The following LRRTM4 variants were observed in gnomAD, a reference collection of about 807,000 sequenced individuals.
LRRTM4 encodes the protein leucine rich repeat transmembrane neuronal 4.
A neutral mutation model predicts 47.6 loss-of-function variants in LRRTM4; 25 were observed. The ratio of observed to expected loss-of-function variants is 0.53; its 90% CI spans 0.38 to 0.73. LRRTM4 has a LOEUF of 0.73. LRRTM4 is among the 30% of genes least tolerant of loss of function. The pLI, the probability that LRRTM4 is intolerant of heterozygous loss-of-function variation, is 0.00. For missense variants in LRRTM4, 638 were observed against 713.4 expected, an observed-to-expected ratio of 0.89 and a Z score of 1.20; for synonymous variants, 311 against 269.5, an observed-to-expected ratio of 1.15 and a Z score of -1.51.
chr2:76,789,842 A>C (rs1462347319), intron 3 of LRRTM4, among the ~76,000 whole-genome samples: 2 of 152,152 alleles, frequency 1.3e-5, no homozygotes, highest in African/African-American at 4.8e-5. Context: ...GGTGGGAGAT[A>C]ACTGAGTCTT....
intron 3 of LRRTM4, among the ~76,000 whole-genome samples, chr2:77,404,485 C>T: frequency 6.6e-6 from 1 of 151,946 alleles, no homozygotes; most frequent in East Asian, 1.9e-4. Flanking sequence ...GAAAATGACA[C>T]ACTTAAATCT....
At chr2:76,809,384 A>G (rs1260496956) in intron 3 of LRRTM4, among the ~76,000 whole-genome samples, 1 of 152,122 alleles carries the variant, frequency 6.6e-6, no homozygotes, top group Non-Finnish European at 1.5e-5. Flanking sequence ...TTCCCTTATC[A>G]GTTATGTCAG....
At chr2:76,956,857 C>T (rs1675691451) in intron 3 of LRRTM4, among the ~76,000 whole-genome samples, 1 of 151,190 alleles carries the variant, frequency 6.6e-6, no homozygotes, top group Non-Finnish European at 1.5e-5. Context: ...GGATAAATTT[C>T]TAGAAACCTA....
intron 3 of LRRTM4, among the ~76,000 whole-genome samples, chr2:76,837,257 A>G (rs940543036): frequency 6.7e-6 from 1 of 149,800 alleles, no homozygotes; most frequent in Non-Finnish European, 1.5e-5. Flanking sequence ...TATTGCGTCT[A>G]TTTGATTCTT....
chr2:77,290,317 C>T (rs1042106990), intron 3 of LRRTM4, among the ~76,000 whole-genome samples: 4 of 151,556 alleles, frequency 2.6e-5, no homozygotes, highest in South Asian at 4.2e-4. Context: ...ACATATGTCT[C>T]ATGTTCTCAC....
At chr2:77,348,401 A>T (rs2104290809) in intron 3 of LRRTM4, among the ~76,000 whole-genome samples, 1 of 151,354 alleles carries the variant, frequency 6.6e-6, no homozygotes, top group East Asian at 1.9e-4. Flanking sequence ...GTTGAAAATG[A>T]AATATAATAT....
chr2:77,049,153 T>C lies in LRRTM4; in HGVS notation c.1552-300237A>G, dbSNP rs180806399. 3.2e-3 allele frequency among the ~76,000 whole-genome samples: 415 copies of C among 129,454 alleles called. 4 individuals are homozygous for C. The highest frequency in any genetic ancestry group is 0.013 in the African/African-American group (371 of 28,624). The allele number at this position is 129,454 out of a possible 152,430, so 84.9% of individuals were successfully genotyped here. A position where few individuals can be genotyped will look rare whatever the true frequency, so the allele number is the denominator to read the frequency against. On this transcript the variant is annotated intron_variant, in intron 3 of 3. Transcript: ENST00000409884. ...ATATATATATATATATATATATATATATATACACACACACACACACCACAT... is the reference window on the plus strand; with the variant it reads ...ATATATATATATATATATATATATACATATACACACACACACACACCACAT...
chr2:77,281,150 G>C (rs976544920), intron 3 of LRRTM4, among the ~76,000 whole-genome samples: 1 of 151,808 alleles, frequency 6.6e-6, no homozygotes, highest in African/African-American at 2.4e-5. Flanking sequence ...AATCTTATTT[G>C]GCTAAGATTT....
chr2:77,238,842 C>A (rs1573123025), intron 3 of LRRTM4, among the ~76,000 whole-genome samples: 3 of 151,826 alleles, frequency 2.0e-5, no homozygotes, highest in South Asian at 4.2e-4. Flanking sequence ...AACCAGGGTA[C>A]TATATTCAGA....
At chr2:76,823,830 A>G (rs1244225418) in intron 3 of LRRTM4, among the ~76,000 whole-genome samples, 1 of 151,590 alleles carries the variant, frequency 6.6e-6, no homozygotes, top group Admixed American at 6.6e-5. Flanking sequence ...TATGTTACAA[A>G]TATTGTTAAA....
In LRRTM4 at chr2:76,781,822, T is replaced by C. The variant is rs1449775937; in HGVS notation, c.1552-32906A>G. 5.9e-5 allele frequency among the ~76,000 whole-genome samples: 9 copies of C among 152,320 alleles called. No homozygotes were observed. In the East Asian group the frequency reaches 1.7e-3, roughly 30 times the overall value. On this transcript the variant is annotated intron_variant, in intron 3 of 3. Transcript: ENST00000409884. ...CTATTTTTTTTCCTGAAGAGGACACTTTTTTATCTGCATTAAAAATCTATT... is the reference window on the plus strand; with the variant it reads ...CTATTTTTTTTCCTGAAGAGGACACCTTTTTATCTGCATTAAAAATCTATT...
intron 3 of LRRTM4, among the ~76,000 whole-genome samples, chr2:76,942,316 G>T (rs1193190615): frequency 6.6e-6 from 1 of 152,018 alleles, no homozygotes; most frequent in African/African-American, 2.4e-5. Context: ...AGCTTAATTA[G>T]ATCCCATTTG....
chr2:77,376,165 GATTTTCTGGTTATGAGAAATTTTCC>G (rs1672832349), intron 3 of LRRTM4, among the ~76,000 whole-genome samples: 1 of 151,662 alleles, frequency 6.6e-6, no homozygotes, highest in South Asian at 2.1e-4. Context: ...TAGGTATAAA[GATTTTCTGGTTATGAGAAATTTTCC>G]ATTTAACAGT....
chr2:77,148,263 G>T (rs1672311992), intron 3 of LRRTM4, among the ~76,000 whole-genome samples: 1 of 152,134 alleles, frequency 6.6e-6, no homozygotes, highest in Non-Finnish European at 1.5e-5. Context: ...AATGCCTTGG[G>T]TGTCTTGCAA....
intron 3 of LRRTM4, among the ~76,000 whole-genome samples, chr2:77,347,512 C>G (rs1398262336): frequency 1.3e-5 from 2 of 151,876 alleles, no homozygotes; most frequent in African/African-American, 4.8e-5. Context: ...ATTAAGTGGA[C>G]TCATCACAAA....
At chr2:77,265,755 T>C (rs1217588637) in intron 3 of LRRTM4, among the ~76,000 whole-genome samples, 2 of 152,142 alleles carry the variant, frequency 1.3e-5, no homozygotes, top group Non-Finnish European at 2.9e-5. Context: ...TTGGAGGAAG[T>C]ATATAAAAGT....
intron 3 of LRRTM4, among the ~76,000 whole-genome samples, chr2:77,496,227 T>G (rs1417947908): frequency 2.0e-5 from 3 of 151,936 alleles, no homozygotes; most frequent in Admixed American, 2.0e-4. Context: ...CATATTTTAG[T>G]AGCTTTCTTA....
chr2:77,161,780 T>C (rs1029672699), intron 3 of LRRTM4, among the ~76,000 whole-genome samples: 9 of 152,194 alleles, frequency 5.9e-5, no homozygotes, highest in Admixed American at 2.0e-4. Flanking sequence ...GAAAATGTCT[T>C]ATTTATTTTC....
intron 3 of LRRTM4, among the ~76,000 whole-genome samples, chr2:77,161,857 T>C (rs1167664456): frequency 2.0e-5 from 3 of 152,214 alleles, no homozygotes; most frequent in African/African-American, 7.2e-5. Flanking sequence ...ATTTTGAGGT[T>C]AATTAATTGT....
Sources: allele counts gnomAD v4.1 joint callset (sites outside exome capture counted in the v4.1 genomes callset), GRCh38; gene constraint gnomAD v4.1.1; transcripts MANE v1.5; gene names NCBI Gene and HGNC (gene_info 2026-07-23, HGNC 2026-07-21).